PLOD2: variants seen among roughly 807,000 people sequenced by gnomAD.
The protein encoded by PLOD2 is lysine hydroxylase 2.
Under a neutral mutation model 101.0 loss-of-function variants are expected in PLOD2, and 65 were observed. The observed-to-expected ratio is 0.64, with a 90% CI of 0.53 to 0.79. The LOEUF is 0.79. PLOD2 is among the 30% of genes least tolerant of loss of function. The pLI is 0.00. For missense variants in PLOD2, 909 were observed against 914.6 expected, an observed-to-expected ratio of 0.99 and a Z score of 0.08; for synonymous variants, 314 against 302.9, an observed-to-expected ratio of 1.04 and a Z score of -0.38.
At chr3:146,132,526 C>A (rs1011385473) in intron 1 of PLOD2, among the ~76,000 whole-genome samples, 1 of 151,536 alleles carries the variant, frequency 6.6e-6, no homozygotes, top group African/African-American at 2.4e-5. Context: ...TACTTCAAAC[C>A]AAACCATGAT....
intron 17 of PLOD2, 54 bp downstream of exon 17, chr3:146,072,507 T>C: frequency 1.9e-6 from 2 of 1,055,110 alleles, no homozygotes; most frequent in Admixed American, 1.7e-5. Context: ...ATTCTCTGAG[T>C]ATCTACTTAA....
At position 146,161,069 on chromosome 3, in the gene PLOD2, G is replaced by C. The variant is rs1157212941; in HGVS notation, c.-80C>G. The C allele has an allele frequency of 9.4e-7, 1 of 1,061,380 alleles. No individual in the cohort carries two copies. The highest frequency in any genetic ancestry group is 1.4e-6 in the Non-Finnish European group (1 of 718,570). 65.7% of individuals were successfully genotyped at this position (1,061,380 alleles called of 1,614,324 possible). On this transcript the variant is annotated 5_prime_UTR_variant, in exon 1 of 20. Transcript: ENST00000282903. ...GCTTCTCGCGAGAACGCAGAGACCC[G>C]GGTCCGCCCTGAGCCGCCGATTGCG...
chr3:146,081,638 A>C, intron 12 of PLOD2, 100 bp downstream of exon 12: 1 of 932,076 alleles, frequency 1.1e-6, no homozygotes, highest in South Asian at 1.5e-5. Context: ...TTAACTATAA[A>C]GAAAAGAGAT....
intron 1 of PLOD2, among the ~76,000 whole-genome samples, chr3:146,153,219 T>C (rs538402877): frequency 1.3e-5 from 2 of 152,312 alleles, no homozygotes; most frequent in Non-Finnish European, 2.9e-5. Context: ...GATCACATTA[T>C]GGAGATCATT....
chr3:146,088,722 C>T lies in PLOD2; in HGVS notation c.880-11G>A, dbSNP rs1409279281. On this transcript the variant is annotated splice_polypyrimidine_tract_variant and intron_variant, in intron 8 of 19. Coordinates refer to ENST00000282903, the MANE Select transcript of PLOD2 (RefSeq NM_182943.3). The stretch of plus-strand genomic sequence containing the variant: ...TACGTTTGGATGGACCTTTGTTTTA[C>T]ACCAAACATAAAAATAAAATTATCA... 1 of 1,593,514 alleles carries T rather than the reference C, an allele frequency of 6.3e-7. No homozygotes were observed. Among genetic ancestry groups the T allele is most frequent in the African/African-American group, 1.3e-5 (1 of 74,478 alleles).
At chr3:146,072,718 G>T (rs1936191940) in intron 16 of PLOD2, 53 bp from the exon 17 acceptor site, 4 of 1,041,092 alleles carry the variant, frequency 3.8e-6, no homozygotes, top group Non-Finnish European at 6.0e-6. Context: ...TGTCTTAATA[G>T]TCTAAAATAG....
intron 7 of PLOD2, among the ~76,000 whole-genome samples, chr3:146,101,133 A>C (rs1227567519): frequency 6.6e-6 from 1 of 152,200 alleles, no homozygotes; most frequent in Admixed American, 6.5e-5. Context: ...TATATGTAAC[A>C]CAGAAATCTA....
chr3:146,101,969 T>G (rs1937403898), intron 7 of PLOD2, among the ~76,000 whole-genome samples: 1 of 152,228 alleles, frequency 6.6e-6, no homozygotes. Context: ...GCATGCGTTT[T>G]CCTTGCATTT....
At chr3:146,152,367 C>A (rs1025177114) in intron 1 of PLOD2, among the ~76,000 whole-genome samples, 1 of 152,020 alleles carries the variant, frequency 6.6e-6, no homozygotes, top group African/African-American at 2.4e-5. Flanking sequence ...TTGCAGTGAG[C>A]CGAGATTGCA....
chr3:146,080,090 T>C (rs1311928912), intron 12 of PLOD2, among the ~76,000 whole-genome samples: 4 of 151,878 alleles, frequency 2.6e-5, no homozygotes, highest in African/African-American at 7.3e-5. Context: ...TTAACGGAAA[T>C]ATGATATTAT....
At chr3:146,126,386 T>A (rs1011480566) in intron 1 of PLOD2, among the ~76,000 whole-genome samples, 2 of 152,154 alleles carry the variant, frequency 1.3e-5, no homozygotes, top group African/African-American at 4.8e-5. Flanking sequence ...ATCACCCACA[T>A]GCTTTTTTTT....
chr3:146,112,616 G>C (rs1339694807), intron 3 of PLOD2, among the ~76,000 whole-genome samples: 1 of 152,084 alleles, frequency 6.6e-6, no homozygotes, highest in Non-Finnish European at 1.5e-5. Context: ...ACTTTGGGAG[G>C]TCAAGGCGGG....
Position 146,133,124 on chromosome 3 carries a change from G to A in PLOD2, c.110-8895C>T, listed in dbSNP as rs182118620. Reference sequence around the variant, plus strand: ...CCAGGAGGCGGAGCTTGCAGTGAGCGGAGATCACGCCACTGCATTCCGGCC... The same window carrying A: ...CCAGGAGGCGGAGCTTGCAGTGAGCAGAGATCACGCCACTGCATTCCGGCC... On this transcript the variant is annotated intron_variant, in intron 1 of 19. Transcript: ENST00000282903. 5.6e-3 allele frequency among the ~76,000 whole-genome samples: 857 copies of A among 152,156 alleles called. 6 individuals carry two copies. The highest frequency in any genetic ancestry group is 8.5e-3 in the Non-Finnish European group (576 of 68,004).
intron 3 of PLOD2, among the ~76,000 whole-genome samples, chr3:146,113,176 A>G (rs1937728591): frequency 2.0e-5 from 3 of 152,210 alleles, no homozygotes; most frequent in Admixed American, 2.0e-4. Context: ...TATCTTTATA[A>G]CAAAACACAA....
chr3:146,075,859 T>C (rs894414060), intron 15 of PLOD2: 6 of 151,712 alleles, frequency 4.0e-5, no homozygotes, highest in Non-Finnish European at 7.4e-5. Flanking sequence ...AACAAGTTAT[T>C]GGTCAAGTTT....
intron 7 of PLOD2, among the ~76,000 whole-genome samples, chr3:146,097,212 C>CGGGA (rs1937223679): frequency 6.6e-6 from 1 of 150,972 alleles, no homozygotes; most frequent in African/African-American, 2.4e-5. Context: ...CCGCCCCATC[C>CGGGA]GGGAGGTGAG....
chr3:146,115,288 G>T (rs1430822740), intron 3 of PLOD2, among the ~76,000 whole-genome samples: 1 of 152,124 alleles, frequency 6.6e-6, no homozygotes, highest in Non-Finnish European at 1.5e-5. Flanking sequence ...TATAACTGTG[G>T]TAAGTATGCC....
intron 7 of PLOD2, among the ~76,000 whole-genome samples, chr3:146,094,195 G>A (rs1374516634): frequency 6.6e-6 from 1 of 152,122 alleles, no homozygotes; most frequent in Non-Finnish European, 1.5e-5. Flanking sequence ...CATTTTCATT[G>A]ACAGAGAAAC....
chr3:146,096,846 T>C (rs1937186837), intron 7 of PLOD2, among the ~76,000 whole-genome samples: 2 of 117,108 alleles, frequency 1.7e-5, no homozygotes, highest in Non-Finnish European at 1.7e-5. Flanking sequence ...GAGGAGCCCC[T>C]CTGCCCGGCC....
Sources: allele counts gnomAD v4.1 joint callset (sites outside exome capture counted in the v4.1 genomes callset), GRCh38; gene constraint gnomAD v4.1.1; transcripts MANE v1.5; gene names NCBI Gene and HGNC (gene_info 2026-07-23, HGNC 2026-07-21).